Variants in LRP1B observed in about 807,000 individuals in gnomAD.
LRP1B encodes the protein low-density lipoprotein receptor-related protein 1B.
In LRP1B, 217 loss-of-function variants were observed where a neutral mutation model predicts 556.6. The observed-to-expected ratio is 0.39, with a 90% confidence interval of 0.35 to 0.44. The LOEUF is 0.44. LRP1B is among the 20% of genes least tolerant of loss of function. The pLI, the probability that LRP1B is intolerant of heterozygous loss-of-function variation, is 1.00. For missense variants in LRP1B, 5,053 were observed against 5,620.8 expected (o/e 0.90, Z 3.23); for synonymous variants, 2,047 against 1,865.8 (o/e 1.10, Z -2.50).
chr2:141,327,469 G>T (rs771324649), intron 3 of LRP1B, among the ~76,000 whole-genome samples: 8 of 151,792 alleles, frequency 5.3e-5, no homozygotes, highest in African/African-American at 1.9e-4. Context: ...ACTGAGTCTC[G>T]GTAAACCTTA....
chr2:142,107,817 T>G (rs986343546), intron 1 of LRP1B, among the ~76,000 whole-genome samples: 84 of 101,526 alleles, frequency 8.3e-4, no homozygotes, highest in Non-Finnish European at 1.6e-3. Flanking sequence ...TTTTTTTTTT[T>G]GTATTTTTAG....
chr2:140,415,589 T>C (rs889804099), intron 66 of LRP1B, among the ~76,000 whole-genome samples: 41 of 152,140 alleles, frequency 2.7e-4, no homozygotes, highest in Non-Finnish European at 1.5e-4. Context: ...CACTGAAATA[T>C]TGGGGGTGGG....
chr2:141,863,788 T>C (rs1187734969), intron 1 of LRP1B, among the ~76,000 whole-genome samples: 2 of 152,144 alleles, frequency 1.3e-5, no homozygotes, highest in Non-Finnish European at 2.9e-5. Flanking sequence ...ATTTGATTCA[T>C]TGTCTTTTCA....
At chr2:140,876,872 C>T (rs912382645) in intron 25 of LRP1B, among the ~76,000 whole-genome samples, 5 of 152,000 alleles carry the variant, frequency 3.3e-5, no homozygotes, top group East Asian at 1.9e-4. Flanking sequence ...ATCAGTCCTA[C>T]GAGGATTTGT....
intron 41 of LRP1B, among the ~76,000 whole-genome samples, chr2:140,649,308 T>G (rs140359026): frequency 1.3e-3 from 203 of 152,298 alleles, no homozygotes; most frequent in African/African-American, 4.6e-3. Context: ...CATTTCATTC[T>G]CTAAAGCTCT....
At position 141,544,349 on chromosome 2, in the gene LRP1B, C is replaced by CTTCTTCTT. The variant is rs1559131352; in HGVS notation, c.206-63824_206-63817dup. Among the ~76,000 whole-genome samples, 33 of 85,932 alleles carry CTTCTTCTT rather than the reference C, an allele frequency of 3.8e-4. 2 individuals are homozygous for CTTCTTCTT. Among genetic ancestry groups the CTTCTTCTT allele is most frequent in the African/African-American group, 9.0e-4 (22 of 24,338 alleles). The allele number at this position is 85,932 out of a possible 152,430, so 56.4% of individuals were successfully genotyped here. On this transcript the variant is annotated intron_variant, in intron 2 of 90. Transcript: ENST00000389484. ...TCTTCTTCTTCTTCTTCTTCTTCTT[C>CTTCTTCTT]TTCTTCTTCTTCTTCTTCTTCTTCT...
chr2:141,367,354 A>T (rs1042840984), intron 3 of LRP1B, among the ~76,000 whole-genome samples: 18 of 152,110 alleles, frequency 1.2e-4, no homozygotes, highest in African/African-American at 2.4e-5. Context: ...AATTAGACAC[A>T]GAAAGTTCCC....
intron 18 of LRP1B, among the ~76,000 whole-genome samples, chr2:140,967,207 CT>C (rs1696253800): frequency 6.6e-6 from 1 of 152,124 alleles, no homozygotes; most frequent in Non-Finnish European, 1.5e-5. Context: ...TTTGTATCCT[CT>C]TTTATTTCAC....
At chr2:141,635,622 C>A (rs1040034112) in intron 2 of LRP1B, among the ~76,000 whole-genome samples, 1 of 152,068 alleles carries the variant, frequency 6.6e-6, no homozygotes, top group African/African-American at 2.4e-5. Context: ...AGTGATTTGA[C>A]AAATGAAATA....
chr2:141,174,823 T>C (rs964001073), intron 7 of LRP1B, among the ~76,000 whole-genome samples: 1 of 152,034 alleles, frequency 6.6e-6, no homozygotes, highest in Non-Finnish European at 1.5e-5. Flanking sequence ...TACAGGAAGA[T>C]GTGGGAAAGA....
chr2:140,792,648 A>G (rs1244921167), intron 32 of LRP1B, among the ~76,000 whole-genome samples: 3 of 152,200 alleles, frequency 2.0e-5, no homozygotes, highest in East Asian at 3.8e-4. Flanking sequence ...GAAGTTTCTG[A>G]AAATCATAAC....
intron 2 of LRP1B, among the ~76,000 whole-genome samples, chr2:141,693,165 TAG>T: frequency 6.6e-6 from 1 of 152,184 alleles, no homozygotes; most frequent in South Asian, 2.1e-4. Flanking sequence ...TTCTTGAAAG[TAG>T]AGTCTTTTTG....
chr2:141,033,456 T>C (rs572126489), intron 11 of LRP1B, among the ~76,000 whole-genome samples: 7 of 152,006 alleles, frequency 4.6e-5, no homozygotes, highest in Non-Finnish European at 1.0e-4. Context: ...ATATTAGTTG[T>C]CCATTGATGT....
chr2:140,335,570 G>A (rs774108701), intron 78 of LRP1B, 45 bp downstream of exon 78: 30 of 1,137,880 alleles, frequency 2.6e-5, no homozygotes, highest in Non-Finnish European at 3.6e-5. Flanking sequence ...TTTCTAAAAA[G>A]GATATTCATT....
intron 66 of LRP1B, among the ~76,000 whole-genome samples, chr2:140,439,478 C>T (rs1008223336): frequency 6.6e-6 from 1 of 152,130 alleles, no homozygotes; most frequent in Non-Finnish European, 1.5e-5. Context: ...GTCATGAATA[C>T]GAGGCTAGCA....
intron 11 of LRP1B, among the ~76,000 whole-genome samples, chr2:141,041,154 A>G (rs190083204): frequency 6.6e-6 from 1 of 152,210 alleles, no homozygotes; most frequent in African/African-American, 2.4e-5. Context: ...AGGTGGAAGC[A>G]TGTGCACCTA....
At chr2:140,509,167 G>T (rs1289039868) in intron 52 of LRP1B, among the ~76,000 whole-genome samples, 1 of 151,754 alleles carries the variant, frequency 6.6e-6, no homozygotes, top group African/African-American at 2.4e-5. Flanking sequence ...GCAGGCCATT[G>T]GAGAGATGAC....
chr2:140,510,911 G>T (rs1689624108), intron 51 of LRP1B, among the ~76,000 whole-genome samples: 1 of 151,914 alleles, frequency 6.6e-6, no homozygotes, highest in African/African-American at 2.4e-5. Context: ...TAGTCCCTGT[G>T]CAGTTACATA....
intron 15 of LRP1B, among the ~76,000 whole-genome samples, chr2:140,999,587 C>G (rs1316907210): frequency 1.3e-5 from 2 of 152,008 alleles, no homozygotes; most frequent in Admixed American, 1.3e-4. Flanking sequence ...CAGTGATAGC[C>G]TGGGTTATTT....
Sources: gnomAD v4.1 joint callset for allele counts (sites outside exome capture counted in the v4.1 genomes callset) on GRCh38, gnomAD v4.1.1 for gene constraint, MANE v1.5 for transcripts, NCBI Gene and HGNC (gene_info 2026-07-23, HGNC 2026-07-21) for gene names.